CPNE4: variants seen among roughly 807,000 people sequenced by gnomAD.
CPNE4 encodes copine 4.
In CPNE4, 25 loss-of-function variants were observed where a neutral mutation model predicts 67.9. The ratio of observed to expected loss-of-function variants is 0.37; its 90% CI spans 0.27 to 0.51. The LOEUF (loss-of-function observed/expected upper bound fraction) is 0.51, where lower values mean the gene tolerates loss of function less well. CPNE4 is among the 20% of genes least tolerant of loss of function. CPNE4 has a pLI of 0.93. For synonymous variants in CPNE4, 242 were observed against 244.9 expected (o/e 0.99, Z 0.11); for missense variants, 464 against 690.8 (o/e 0.67, Z 3.68).
intron 2 of CPNE4, among the ~76,000 whole-genome samples, chr3:131,824,757 G>A (rs1223019411): frequency 6.6e-6 from 1 of 152,104 alleles, no homozygotes; most frequent in Non-Finnish European, 1.5e-5. Flanking sequence ...AACTAGAGAA[G>A]GATAAAAAGT....
At chr3:131,906,202 GT>G (rs3041554) in intron 1 of CPNE4, among the ~76,000 whole-genome samples, 3 of 143,386 alleles carry the variant, frequency 2.1e-5, no homozygotes, top group South Asian at 2.2e-4. Context: ...TTTATTTTTT[GT>G]TTTTTTTTGT....
chr3:131,646,075 G>C (rs2079655790), intron 7 of CPNE4, among the ~76,000 whole-genome samples: 1 of 151,918 alleles, frequency 6.6e-6, no homozygotes, highest in Non-Finnish European at 1.5e-5. Flanking sequence ...ACAAACTGCT[G>C]AAAAAAAGTG....
intron 1 of CPNE4, among the ~76,000 whole-genome samples, chr3:131,952,136 G>A (rs1298319496): frequency 4.0e-5 from 6 of 150,418 alleles, no homozygotes; most frequent in African/African-American, 2.4e-5. Context: ...CTTCCCGGCC[G>A]CCATCACATC....
intron 7 of CPNE4, among the ~76,000 whole-genome samples, chr3:131,623,026 A>G (rs1172855785): frequency 6.6e-6 from 1 of 152,192 alleles, no homozygotes. Context: ...ATGGAGACCA[A>G]ATGCTATAGT....
At chr3:131,809,291 C>G (rs1190839562) in intron 2 of CPNE4, among the ~76,000 whole-genome samples, 2 of 151,996 alleles carry the variant, frequency 1.3e-5, no homozygotes, top group African/African-American at 2.4e-5. Context: ...AGTTATAAAC[C>G]AAGACATGCA....
At chr3:132,025,097 G>A (rs966147885) in intron 1 of CPNE4, among the ~76,000 whole-genome samples, 18 of 152,112 alleles carry the variant, frequency 1.2e-4, no homozygotes, top group African/African-American at 3.9e-4. Context: ...CAGGAGATTC[G>A]GAGATTCTGA....
At chr3:131,544,728 C>A (rs947221576) in intron 14 of CPNE4, among the ~76,000 whole-genome samples, 8 of 152,024 alleles carry the variant, frequency 5.3e-5, no homozygotes, top group Non-Finnish European at 8.8e-5. Flanking sequence ...TAGGACATAC[C>A]AGAATCATAA....
intron 1 of CPNE4, among the ~76,000 whole-genome samples, chr3:131,921,789 G>T (rs1035477890): frequency 2.6e-5 from 4 of 152,138 alleles, no homozygotes; most frequent in Admixed American, 6.5e-5. Context: ...TCTGCAAGTA[G>T]ATACATGATG....
At chr3:131,811,571 C>T (rs192756684) in intron 2 of CPNE4, among the ~76,000 whole-genome samples, 1 of 152,164 alleles carries the variant, frequency 6.6e-6, no homozygotes, top group Admixed American at 6.5e-5. Flanking sequence ...GGGAGTTCAC[C>T]CTTCCACATT....
At chr3:131,803,469 T>C (rs147374545) in intron 2 of CPNE4, among the ~76,000 whole-genome samples, 2 of 152,374 alleles carry the variant, frequency 1.3e-5, no homozygotes, top group East Asian at 3.9e-4. Flanking sequence ...ACAAACTGTG[T>C]ATGTGATTTG....
At chr3:131,904,075 A>G (rs974523098) in intron 2 of CPNE4, among the ~76,000 whole-genome samples, 2 of 152,140 alleles carry the variant, frequency 1.3e-5, no homozygotes, top group African/African-American at 4.8e-5. Context: ...TGACTCACAG[A>G]AATGTCATTC....
intron 15 of CPNE4, among the ~76,000 whole-genome samples, chr3:131,539,711 G>A (rs1935368306): frequency 1.3e-5 from 2 of 152,142 alleles, no homozygotes; most frequent in South Asian, 4.1e-4. Context: ...GGGGAGGTGG[G>A]GGATGCAGAG....
intron 1 of CPNE4, among the ~76,000 whole-genome samples, chr3:131,931,916 T>G (rs2071073622): frequency 6.6e-6 from 1 of 152,204 alleles, no homozygotes; most frequent in African/African-American, 2.4e-5. Context: ...GAAAACAATC[T>G]CCTTGGTTCT....
At chr3:131,970,037 C>T (rs560571769) in intron 1 of CPNE4, among the ~76,000 whole-genome samples, 8 of 152,296 alleles carry the variant, frequency 5.3e-5, no homozygotes, top group Non-Finnish European at 1.2e-4. Context: ...CAGCTCTGTC[C>T]TCTTCCAGTC....
At chr3:131,930,256 T>G (rs1461153) in intron 1 of CPNE4, among the ~76,000 whole-genome samples, 54,094 of 151,410 alleles carry the variant, frequency 0.36, 10,188 homozygotes, top group African/African-American at 0.47. Flanking sequence ...CAAGGGACAT[T>G]GCAGTAACCC....
chr3:131,803,194 T>C (rs539826214), intron 2 of CPNE4, among the ~76,000 whole-genome samples: 8 of 152,316 alleles, frequency 5.3e-5, no homozygotes, highest in Admixed American at 3.3e-4. Context: ...AATTACATAA[T>C]GTCCTAGAGG....
chr3:131,573,446 T>C (rs898723643), intron 10 of CPNE4, among the ~76,000 whole-genome samples: 1 of 152,074 alleles, frequency 6.6e-6, no homozygotes, highest in Non-Finnish European at 1.5e-5. Context: ...GATGTGGAGC[T>C]GGGAACACTT....
At chr3:131,828,500 G>A (rs895564868) in intron 2 of CPNE4, among the ~76,000 whole-genome samples, 1 of 152,112 alleles carries the variant, frequency 6.6e-6, no homozygotes, top group Non-Finnish European at 1.5e-5. Flanking sequence ...TTGCCCCGTT[G>A]TATGAATATA....
intron 2 of CPNE4, among the ~76,000 whole-genome samples, chr3:131,770,488 C>T (rs967273395): frequency 1.3e-5 from 2 of 152,214 alleles, no homozygotes; most frequent in Non-Finnish European, 2.9e-5. Flanking sequence ...TGCAGGGGAG[C>T]TCTCATCAGA....
Sources: gnomAD v4.1 joint callset for allele counts (sites outside exome capture counted in the v4.1 genomes callset) on GRCh38, gnomAD v4.1.1 for gene constraint, MANE v1.5 for transcripts, NCBI Gene and HGNC (gene_info 2026-07-23, HGNC 2026-07-21) for gene names.